PKLR: variants seen among roughly 807,000 people sequenced by gnomAD.
PKLR encodes the protein pyruvate kinase L/R.
PKLR carries 38 observed loss-of-function variants against 53.6 expected under a neutral mutation model. That is an observed-to-expected ratio of 0.71 (90% CI 0.55 to 0.93). PKLR has a LOEUF of 0.93. Among genes scored for constraint, PKLR ranks in the 40% least tolerant of loss-of-function variants. The probability of loss-of-function intolerance (pLI) is 0.00; values close to 1 mark genes in which losing one functional copy is unlikely to be tolerated. For synonymous variants in PKLR, 328 were observed against 316.2 expected (o/e 1.04, Z -0.39); for missense variants, 702 against 787.3 (o/e 0.89, Z 1.30).
chr1:155,292,007 T>C, intron 9 of PKLR, 70 bp from the exon 10 acceptor site: 1 of 1,460,558 alleles, frequency 6.8e-7, no homozygotes, highest in South Asian at 1.2e-5. Context: ...GAATCTTTGT[T>C]CCAGTTCCAG....
intron 2 of PKLR, among the ~76,000 whole-genome samples, chr1:155,296,204 G>A (rs1045773941): frequency 4.6e-5 from 7 of 152,170 alleles, no homozygotes; most frequent in Non-Finnish European, 1.0e-4. Context: ...GCTGCTAGCC[G>A]AGAGCAGGTT....
Position 155,294,491 on chromosome 1 carries a change from CCTT to C in PKLR, c.953_955del (p.Glu318del). ...AGAGCCCAAGCCTCACCTCTTCACG[CCTT>C]CGTGGTTCTCAATTTTGCTGATGAT... On this transcript the variant is annotated inframe_deletion, in exon 6 of 11. Transcript: ENST00000342741. The C allele has an allele frequency of 6.2e-7, 1 of 1,614,244 alleles. No individual in the cohort carries two copies. The highest frequency in any genetic ancestry group is 8.5e-7 in the Non-Finnish European group (1 of 1,180,040).
chr1:155,303,905 G>A (rs1648159468), upstream of PKLR, among the ~76,000 whole-genome samples: 5 of 152,274 alleles, frequency 3.3e-5, no homozygotes, highest in South Asian at 1.0e-3. Flanking sequence ...ATGGAGAAAG[G>A]GGTTTTCCAT....
Position 155,293,135 on chromosome 1 carries a change from T to G in PKLR, c.1436+42A>C, listed in dbSNP as rs202005446. ...CCTGGGGCCCGTCCCAGCCCACCCC[T>G]GACCCAAAGCTCCATCTGGACATTC... On this transcript the variant is annotated intron_variant, in intron 9 of 10. Transcript: ENST00000342741. This position sits in a 1 kb window ranked among gnomAD's most constrained non-coding sequence, Gnocchi z 4.2. 3 of 752,958 alleles carry G rather than the reference T, an allele frequency of 4.0e-6. No individual in the cohort carries two copies. Among genetic ancestry groups the G allele is most frequent in the South Asian group, 1.3e-5 (1 of 74,818 alleles). 46.6% of individuals were successfully genotyped at this position (752,958 alleles called of 1,614,324 possible). A position where few individuals can be genotyped will look rare whatever the true frequency, so the allele number is the denominator to read the frequency against.
At chr1:155,299,427 G>A (rs550883138) in intron 2 of PKLR, among the ~76,000 whole-genome samples, 2 of 148,916 alleles carry the variant, frequency 1.3e-5, no homozygotes, top group African/African-American at 2.5e-5. Context: ...GGGCTCAAGC[G>A]ATCTGCCAAC....
rs1371168773 is a variant in PKLR at position 155,294,655 on chromosome 1, C to G, written c.792G>C (p.Leu264=). 2 of 1,614,152 alleles carry G rather than the reference C, an allele frequency of 1.2e-6. No individual in the cohort carries two copies. Residue 264 remains leucine (L), a synonymous_variant, in exon 6 of 11, where the codon CTG becomes CTC. Coordinates refer to ENST00000342741, the MANE Select transcript of PKLR (RefSeq NM_000298.6). ...LPGAQVDLPG[L]SEQDVRDLRF... is the part of the protein sequence containing the mutation. Reference sequence around the variant, plus strand: ...GCAGGTCTCGGACGTCCTGCTCGGACAGCCCGGGCAAGTCCACCTGGGCCC... The same window carrying G: ...GCAGGTCTCGGACGTCCTGCTCGGAGAGCCCGGGCAAGTCCACCTGGGCCC...
rs773040738 is a variant in PKLR at position 155,291,932 on chromosome 1, G to T, written c.1442C>A (p.Ala481Asp). 1.9e-6 allele frequency: 3 copies of T among 1,612,930 alleles called. No homozygotes were observed. In the African/African-American group the frequency reaches 4.0e-5, roughly 22 times the overall value. ...IIVLTTTGRS[A>D]QLLSRYRPRA... Reference sequence around the variant, plus strand: ...AGGTCGGTACCGAGACAGAAGCTGGGCTGAGCTGGAGGAGGCAGAGAAGGT... The same window carrying T: ...AGGTCGGTACCGAGACAGAAGCTGGTCTGAGCTGGAGGAGGCAGAGAAGGT... Residue 481 changes from alanine (A) to aspartate (D), a missense_variant, in exon 10 of 11, where the codon GCC (alanine) becomes GAC (aspartate). Ala to Asp is a moderately radical substitution (Grantham distance 126, BLOSUM62 -2). Around this residue, in one of 2 missense-constraint regions of PKLR, gnomAD observed 183 missense variants for 250.2 expected, o/e 0.73. Transcript: ENST00000342741.
chr1:155,299,775 C>T (rs1180430635), intron 2 of PKLR, among the ~76,000 whole-genome samples: 2 of 150,628 alleles, frequency 1.3e-5, no homozygotes, highest in Non-Finnish European at 1.5e-5. Context: ...CAACATGCTG[C>T]GATTACAGGC....
rs565907839 is a variant in PKLR, at chr1:155,293,930, C to T, written c.1116+305G>A. Reference sequence around the variant, plus strand: ...AGTAGATCACCTGAGGTCAGGAGTTCGAGACCAGTCTGGCCAACATGGTGA... The same window carrying T: ...AGTAGATCACCTGAGGTCAGGAGTTTGAGACCAGTCTGGCCAACATGGTGA... On this transcript the variant is annotated intron_variant, in intron 7 of 10. Transcript: ENST00000342741. The surrounding 1 kb of genome is among the most constrained non-coding windows in gnomAD (Gnocchi z 4.2). 2.6e-4 allele frequency among the ~76,000 whole-genome samples: 39 copies of T among 152,066 alleles called. No individual in the cohort carries two copies. The highest frequency in any genetic ancestry group is 4.7e-4 in the Non-Finnish European group (32 of 68,004).
At chr1:155,308,641 C>G in the PKLR span, 1 of 985,440 alleles carries the variant, frequency 1.0e-6, no homozygotes, top group Non-Finnish European at 1.2e-6. Context: ...GCCTGGCTCG[C>G]TTCCGGCACT....
At chr1:155,300,677 C>T (rs1270639664) in intron 1 of PKLR, among the ~76,000 whole-genome samples, 1 of 152,074 alleles carries the variant, frequency 6.6e-6, no homozygotes, top group Non-Finnish European at 1.5e-5. Flanking sequence ...GTCTAGTCCC[C>T]AGCAGCCTCA....
chr1:155,301,366 C>T lies in PKLR; in HGVS notation c.30G>A (p.Leu10=). The T allele has an allele frequency of 6.2e-7, 1 of 1,613,956 alleles. No individual in the cohort carries two copies. The highest frequency in any genetic ancestry group is 8.5e-7 in the Non-Finnish European group (1 of 1,179,874). ...ACTTAGAGACCCATGACCGAAGCTG[C>T]AGGGATGATATGTTCTCCTGGATCG... MSIQENISS[L]QLRSWVSKSQ... is the part of the protein sequence containing the mutation. The change falls in exon 1 of 11, where the codon CTG becomes CTA. Residue 10 remains leucine (L), a synonymous_variant. Coordinates refer to ENST00000342741, the MANE Select transcript of PKLR (RefSeq NM_000298.6).
Position 155,295,533 on chromosome 1 carries a change from C to T in PKLR, c.411G>A (p.Ala137=), listed in dbSNP as rs1211875693. 1.2e-6 allele frequency: 2 copies of T among 1,613,394 alleles called. No homozygotes were observed. Among genetic ancestry groups the T allele is most frequent in the Non-Finnish European group, 1.7e-6 (2 of 1,179,724 alleles). The change falls in exon 4 of 11, where the codon GCG becomes GCA. Residue 137 remains alanine (A), a synonymous_variant. Coordinates refer to ENST00000342741, the MANE Select transcript of PKLR (RefSeq NM_000298.6). This position sits in a 1 kb window ranked among gnomAD's most constrained non-coding sequence, Gnocchi z 4.3. ...HAESIANVRE[A]VESFAGSPLS... Reference sequence around the variant, plus strand: ...GTGGGGAACCTGCAAAGCTCTCCACCGCCTCCCGGACGTTGGCGATGGACT... The same window carrying T: ...GTGGGGAACCTGCAAAGCTCTCCACTGCCTCCCGGACGTTGGCGATGGACT...
chr1:155,294,129 T>C lies in PKLR; in HGVS notation c.1116+106A>G, dbSNP rs187216405. 7.6e-4 allele frequency: 1,004 copies of C among 1,314,788 alleles called. 1 individual carries two copies. The highest frequency in any genetic ancestry group is 1.0e-3 in the Non-Finnish European group (955 of 913,730). The allele number at this position is 1,314,788 out of a possible 1,614,324, so 81.4% of individuals were successfully genotyped here. ...GCCTGGATGACAGAGTGAGACTCCG[T>C]CTCAAAAAACAAAACAAAACAAAAT... On this transcript the variant is annotated intron_variant, in intron 7 of 10. Coordinates refer to ENST00000342741, the MANE Select transcript of PKLR (RefSeq NM_000298.6).
chr1:155,300,199 AGCT>A lies in PKLR; in HGVS notation c.179_181del (p.Gln60del). 6.2e-7 allele frequency: 1 copy of A among 1,613,716 alleles called. No homozygotes were observed. The highest frequency in any genetic ancestry group is 8.5e-7 in the Non-Finnish European group (1 of 1,179,782). The stretch of plus-strand genomic sequence containing the variant: ...GAAGGTGTCTGCCATAGCAGCTGGC[AGCT>A]GCTGCTGCTGGAAGAAGGCAGTGCC... On this transcript the variant is annotated inframe_deletion, in exon 2 of 11. Transcript: ENST00000342741.
At chr1:155,291,291 AT>A (rs1407664410) in intron 10 of PKLR, among the ~76,000 whole-genome samples, 2 of 151,382 alleles carry the variant, frequency 1.3e-5, no homozygotes, top group African/African-American at 4.9e-5. Flanking sequence ...TGGTCAAGAC[AT>A]TGAGACCATC....
chr1:155,308,651 T>G, the PKLR span: 7 of 985,328 alleles, frequency 7.1e-6, no homozygotes, highest in African/African-American at 1.0e-4. Flanking sequence ...CTTCCGGCAC[T>G]GACGCCTCCA....
In PKLR at chr1:155,294,625, G is replaced by A. The variant is rs1233630203; in HGVS notation, c.822C>T (p.Phe274=). The change falls in exon 6 of 11, where the codon TTC becomes TTT. Residue 274 remains phenylalanine (F), a synonymous_variant. Coordinates refer to ENST00000342741, the MANE Select transcript of PKLR (RefSeq NM_000298.6). Reference sequence around the variant, plus strand: ...CGATGTCCACCCCATGCTCCACCCCGAAGCGCAGGTCTCGGACGTCCTGCT... The same window carrying A: ...CGATGTCCACCCCATGCTCCACCCCAAAGCGCAGGTCTCGGACGTCCTGCT... ...LSEQDVRDLR[F]GVEHGVDIVF... 1.1e-5 allele frequency: 18 copies of A among 1,614,190 alleles called. No individual in the cohort carries two copies. The highest frequency in any genetic ancestry group is 2.2e-5 in the South Asian group (2 of 91,078).
chr1:155,300,617 A>AC (rs1171851788), intron 1 of PKLR, among the ~76,000 whole-genome samples: 1 of 151,302 alleles, frequency 6.6e-6, no homozygotes, highest in Admixed American at 6.6e-5. Flanking sequence ...ACAACCCAGG[A>AC]CCCCCCGACC....
Sources: allele counts gnomAD v4.1 joint callset (sites outside exome capture counted in the v4.1 genomes callset), GRCh38; gene constraint gnomAD v4.1.1; regional missense constraint gnomAD v4.1.1; non-coding constraint Gnocchi (gnomAD v3.1); transcripts MANE v1.5; gene names NCBI Gene and HGNC (gene_info 2026-07-23, HGNC 2026-07-21).